CSF2RA: variants seen among roughly 807,000 people sequenced by gnomAD.
CSF2RA encodes the protein granulocyte-macrophage colony-stimulating factor receptor subunit alpha.
A neutral mutation model predicts 51.6 loss-of-function variants in CSF2RA; 42 were observed. The ratio of observed to expected loss-of-function variants is 0.81; its 90% CI spans 0.64 to 1.05. The LOEUF is 1.05. Ranked by LOEUF, CSF2RA falls within the 50% of genes least tolerant of loss-of-function variation. CSF2RA has a pLI of 0.00. For synonymous variants in CSF2RA, 222 were observed against 193.0 expected, an observed-to-expected ratio of 1.15 and a Z score of -1.24; for missense variants, 530 against 501.1, an observed-to-expected ratio of 1.06 and a Z score of -0.55.
downstream of CSF2RA, among the ~76,000 whole-genome samples, chrX:1,312,792 C>T (rs1485658948): frequency 7.2e-5 from 11 of 152,132 alleles, no homozygotes; most frequent in South Asian, 8.3e-4. Context: ...TCCTGCAAAC[C>T]CCAGCCGGCC....
At chrX:1,322,685 C>T in the CSF2RA span, among the ~76,000 whole-genome samples, 35 of 151,888 alleles carry the variant, frequency 2.3e-4, no homozygotes, top group East Asian at 9.7e-4. Context: ...ATGGACAGAG[C>T]GACGTCCTTC....
Position 1,303,933 on chromosome X carries a change from C to T in CSF2RA, c.957C>T (p.Asp319=), listed in dbSNP as rs752209055. ...WSEAIEFGSD[D]GNLGSVYIYV... ...TGTGTGTCTCTCCAGGTTCTGACGA[C>T]GGGAACCTCGGCTCTGTGTACATTT... The change falls in exon 11 of 13, where the codon GAC becomes GAT. Residue 319 remains aspartate, a synonymous_variant. Coordinates refer to ENST00000381529, the MANE Select transcript of CSF2RA (RefSeq NM_172245.4). 9.3e-6 allele frequency: 15 copies of T among 1,613,316 alleles called. No individual in the cohort carries two copies. The highest frequency in any genetic ancestry group is 1.6e-4 in the Middle Eastern group (1 of 6,078).
chrX:1,311,825 TCATTTCCCTC>T (rs1360480334), downstream of CSF2RA, among the ~76,000 whole-genome samples: 1 of 152,116 alleles, frequency 6.6e-6, no homozygotes, highest in African/African-American at 2.4e-5. Context: ...AGACGGAAAT[TCATTTCCCTC>T]CATTTCCCAC....
chrX:1,311,114 T>C (rs1485545440), downstream of CSF2RA, among the ~76,000 whole-genome samples: 1 of 151,790 alleles, frequency 6.6e-6, no homozygotes, highest in Non-Finnish European at 1.5e-5. Context: ...CTGGGTGTGG[T>C]GGCGGCCACC....
chrX:1,303,003 C>G, intron 10 of CSF2RA: 1 of 222,882 alleles, frequency 4.5e-6, no homozygotes, highest in Non-Finnish European at 8.4e-6. Context: ...TCCCGAGTAG[C>G]TGGGATTACA....
At chrX:1,315,695 T>A in the CSF2RA span, among the ~76,000 whole-genome samples, 3 of 151,964 alleles carry the variant, frequency 2.0e-5, no homozygotes, top group Non-Finnish European at 4.4e-5. Context: ...GTGAGCCACC[T>A]TGCCCAGCCA....
In CSF2RA at chrX:1,304,143, T is replaced by A. The variant is rs1351285629; in HGVS notation, c.1043+124T>A. The A allele has an allele frequency of 1.8e-4, 165 of 906,364 alleles. 2 individuals carry two copies. The East Asian group carries it at 4.0e-3, about 22-fold the overall frequency. The allele number at this position is 906,364 out of a possible 1,614,324, so 56.1% of individuals were successfully genotyped here. ...CACAGCCTTGGCCGGGCGTGTTGGC[T>A]CATGCCTGTAATCCCAGCACTCTGG... On this transcript the variant is annotated intron_variant, in intron 11 of 12. Coordinates refer to ENST00000381529, the MANE Select transcript of CSF2RA (RefSeq NM_172245.4).
At chrX:1,288,426 G>A in intron 4 of CSF2RA, 93 bp from the exon 5 acceptor site, 2 of 1,439,948 alleles carry the variant, frequency 1.4e-6, no homozygotes, top group Non-Finnish European at 2.0e-6. Flanking sequence ...AGGTTGTAGT[G>A]AGCCGAGATC....
At chrX:1,302,028 A>G (rs868322068) in intron 10 of CSF2RA, among the ~76,000 whole-genome samples, 1 of 147,014 alleles carries the variant, frequency 6.8e-6, no homozygotes, top group Admixed American at 7.0e-5. Context: ...GCAATTCTCC[A>G]GCCTCAGTCT....
chrX:1,289,127 A>G, intron 6 of CSF2RA: 1 of 565,286 alleles, frequency 1.8e-6, no homozygotes, highest in Non-Finnish European at 3.1e-6. Context: ...ACACCAGGCC[A>G]CATCTATGTA....
chrX:1,306,662 CAAAA>C (rs1159378386), intron 12 of CSF2RA, among the ~76,000 whole-genome samples: 1 of 151,254 alleles, frequency 6.6e-6, no homozygotes, highest in African/African-American at 2.4e-5. Context: ...CAAAACAAAA[CAAAA>C]AAATCATCCC....
rs1342183898 is a variant in CSF2RA, at chrX:1,288,631, A to G, written c.332A>G (p.Tyr111Cys). 1.2e-6 allele frequency: 2 copies of G among 1,613,880 alleles called. No homozygotes were observed. Among genetic ancestry groups the G allele is most frequent in the African/African-American group, 2.7e-5 (2 of 74,928 alleles). Residue 111 changes from tyrosine to cysteine, a missense_variant, in exon 5 of 13, where the codon TAT (tyrosine) becomes TGT (cysteine). Coordinates refer to ENST00000381529, the MANE Select transcript of CSF2RA (RefSeq NM_172245.4). ...SQRGFQQKLLYPNSGREGTAA... is the reference protein window; with the variant it reads ...SQRGFQQKLLCPNSGREGTAA... ...AGAGGATTTCAACAGAAACTGCTTT[A>G]TCCAAATTCAGGTAAGCAAGACAGC...
chrX:1,313,064 T>C (rs1160813073), downstream of CSF2RA, among the ~76,000 whole-genome samples: 1 of 152,006 alleles, frequency 6.6e-6, no homozygotes, highest in African/African-American at 2.4e-5. Flanking sequence ...CATTCCTGGG[T>C]ATGAACCTGT....
chrX:1,314,455 C>CTGCACCTGCCCAACCCCAA (rs1426431352), downstream of CSF2RA, among the ~76,000 whole-genome samples: 4 of 149,350 alleles, frequency 2.7e-5, no homozygotes, highest in African/African-American at 1.0e-4. Context: ...CCCAATTGCA[C>CTGCACCTGCCCAACCCCAA]TGCACCTGCC....
intron 9 of CSF2RA, 141 bp from the exon 10 acceptor site, chrX:1,300,350 G>A (rs1231868215): frequency 4.0e-6 from 4 of 1,002,692 alleles, no homozygotes; most frequent in Admixed American, 2.3e-5. Flanking sequence ...CAGACCAAGT[G>A]CATTCAGAGT....
At chrX:1,303,092 G>A (rs1269507087) in intron 10 of CSF2RA, among the ~76,000 whole-genome samples, 1 of 98,010 alleles carries the variant, frequency 1.0e-5, no homozygotes, top group Non-Finnish European at 2.2e-5. Context: ...GAGTTTCGCT[G>A]TGTCACCCAG....
At chrX:1,280,471 CAAA>C (rs750353851) in intron 2 of CSF2RA, among the ~76,000 whole-genome samples, 130 of 129,394 alleles carry the variant, frequency 1.0e-3, no homozygotes, top group Middle Eastern at 3.9e-3. Context: ...AACTCCGTCT[CAAA>C]AAAAAAAAAA....
rs1370307877 is a variant in CSF2RA at position 1,290,355 on chromosome X, G to T, written c.492G>T (p.Arg164=). ...CTTTCAGGAGAAGGAGGGAGATCCG[G>T]TGTCCTTATTACATACAAGACTCAG... ...IRNSKRRREI[R]CPYYIQDSGT... is the part of the protein sequence containing the mutation. The change falls in exon 7 of 13, where the codon CGG becomes CGT. Residue 164 remains arginine, a synonymous_variant. Coordinates refer to ENST00000381529, the MANE Select transcript of CSF2RA (RefSeq NM_172245.4). The T allele has an allele frequency of 1.9e-6, 3 of 1,613,518 alleles. No homozygotes were observed. Among genetic ancestry groups the T allele is most frequent in the Non-Finnish European group, 2.5e-6 (3 of 1,179,592 alleles).
intron 1 of CSF2RA, among the ~76,000 whole-genome samples, chrX:1,272,439 A>G (rs1300325536): frequency 1.3e-5 from 2 of 150,834 alleles, no homozygotes; most frequent in South Asian, 2.1e-4. Context: ...GGAGCAATAT[A>G]TAATTTCTAC....
Sources: gnomAD v4.1 joint callset for allele counts (sites outside exome capture counted in the v4.1 genomes callset) on GRCh38, gnomAD v4.1.1 for gene constraint, MANE v1.5 for transcripts, NCBI Gene and HGNC (gene_info 2026-07-23, HGNC 2026-07-21) for gene names.